The following N4BP2L1 variants were observed in gnomAD, a reference collection of about 807,000 sequenced individuals.
N4BP2L1 encodes the protein NEDD4-binding protein 2-like 1.
A neutral mutation model predicts 21.2 loss-of-function variants in N4BP2L1; 12 were observed. The observed-to-expected ratio is 0.57, with a 90% CI of 0.36 to 0.92. The LOEUF is 0.92. Among genes scored for constraint, N4BP2L1 ranks in the 40% least tolerant of loss-of-function variants. The probability of loss-of-function intolerance (pLI) is 0.01; values close to 1 mark genes in which losing one functional copy is unlikely to be tolerated. For synonymous variants in N4BP2L1, 104 were observed against 112.8 expected (o/e 0.92, Z 0.49); for missense variants, 259 against 310.6 (o/e 0.83, Z 1.25).
In N4BP2L1 at chr13:32,402,644, A is replaced by G; in HGVS notation, c.*298T>C. The G allele has an allele frequency of 9.0e-7, 1 of 1,115,948 alleles. No homozygotes were observed. Among genetic ancestry groups the G allele is most frequent in the Non-Finnish European group, 1.1e-6 (1 of 912,144 alleles). The allele number at this position is 1,115,948 out of a possible 1,614,324, so 69.1% of individuals were successfully genotyped here. A position where few individuals can be genotyped will look rare whatever the true frequency, so the allele number is the denominator to read the frequency against. ...ATATATAATATAAACACTTTATTTC[A>G]TCTATGAACCTATGTAAATATATTC... is the stretch of plus-strand genomic sequence containing the variant. On this transcript the variant is annotated 3_prime_UTR_variant, in exon 5 of 5. Transcript: ENST00000380130.
At chr13:32,428,235 G>C (rs2074912691), upstream of N4BP2L1, 2 of 701,096 alleles carry the variant, frequency 2.9e-6, no homozygotes, top group South Asian at 9.2e-5. Context: ...CCGGAACCGT[G>C]CTGCGTGGGA....
intron 1 of N4BP2L1, 49 bp from the exon 2 acceptor site, chr13:32,407,821 G>A (rs572070362): frequency 3.2e-5 from 49 of 1,515,284 alleles, no homozygotes; most frequent in Non-Finnish European, 4.2e-5. Context: ...TATATGTATA[G>A]TCTCAGTAGA....
At chr13:32,405,892 C>CCTTT (rs2073452557) in intron 3 of N4BP2L1, among the ~76,000 whole-genome samples, 1 of 101,192 alleles carries the variant, frequency 9.9e-6, no homozygotes, top group Non-Finnish European at 1.8e-5. Flanking sequence ...TTCCTGCCCC[C>CCTTT]TTTTTTTTTT....
intron 1 of N4BP2L1, among the ~76,000 whole-genome samples, chr13:32,427,452 C>T (rs1037727890): frequency 1.3e-5 from 2 of 152,234 alleles, no homozygotes; most frequent in Non-Finnish European, 2.9e-5. Context: ...GTTTTCTCTG[C>T]AGTCGCCACC....
intron 1 of N4BP2L1, among the ~76,000 whole-genome samples, chr13:32,415,264 AG>A (rs1356993867): frequency 1.3e-5 from 2 of 152,202 alleles, no homozygotes; most frequent in African/African-American, 4.8e-5. Flanking sequence ...CAAAGAGGCA[AG>A]GGGGCCCTGA....
intron 1 of N4BP2L1, among the ~76,000 whole-genome samples, chr13:32,427,524 C>G (rs1039630916): frequency 6.6e-6 from 1 of 152,198 alleles, no homozygotes; most frequent in Non-Finnish European, 1.5e-5. Flanking sequence ...GCGGTGAAGG[C>G]TGCTTCGGCC....
At chr13:32,411,556 G>T in intron 1 of N4BP2L1, 1 of 985,368 alleles carries the variant, frequency 1.0e-6, no homozygotes, top group African/African-American at 1.7e-5. Flanking sequence ...AGTGATGAGG[G>T]TTAAGCCCCA....
intron 1 of N4BP2L1, chr13:32,420,511 C>T (rs1424338056): frequency 6.6e-6 from 1 of 152,084 alleles, no homozygotes; most frequent in Non-Finnish European, 1.5e-5. Context: ...ATCTTTGATC[C>T]CAATTTTTAA....
At chr13:32,414,456 C>G (rs1034693638) in intron 1 of N4BP2L1, among the ~76,000 whole-genome samples, 2 of 152,082 alleles carry the variant, frequency 1.3e-5, no homozygotes, top group Non-Finnish European at 2.9e-5. Flanking sequence ...AATAAAGCCT[C>G]CTTATTAGGA....
At chr13:32,415,577 T>TAACA (rs1377200340) in intron 1 of N4BP2L1, among the ~76,000 whole-genome samples, 1 of 152,236 alleles carries the variant, frequency 6.6e-6, no homozygotes, top group Non-Finnish European at 1.5e-5. Context: ...TTTAAAATTC[T>TAACA]AACACTTACT....
At chr13:32,419,315 A>G in intron 1 of N4BP2L1, 1 of 378,614 alleles carries the variant, frequency 2.6e-6, no homozygotes, top group Non-Finnish European at 5.1e-6. Context: ...GCACAATCTA[A>G]GCTCACTGCA....
At chr13:32,429,276 G>T (rs2074932335), upstream of N4BP2L1, among the ~76,000 whole-genome samples, 1 of 152,212 alleles carries the variant, frequency 6.6e-6, no homozygotes, top group Non-Finnish European at 1.5e-5. Flanking sequence ...TCCCTCTAGG[G>T]ATGGGATAGG....
chr13:32,401,903 T>C lies in N4BP2L1; in HGVS notation c.*1039A>G, dbSNP rs1008090266. The C allele has an allele frequency of 2.3e-5, 23 of 983,568 alleles. No homozygotes were observed. The highest frequency in any genetic ancestry group is 2.7e-5 in the Non-Finnish European group (22 of 827,962). 60.9% of individuals were successfully genotyped at this position (983,568 alleles called of 1,614,324 possible). A position where few individuals can be genotyped will look rare whatever the true frequency, so the allele number is the denominator to read the frequency against. On this transcript the variant is annotated 3_prime_UTR_variant, in exon 5 of 5. Transcript: ENST00000380130. Reference sequence around the variant, plus strand: ...TCTCACATTAAATCTGATTCCAACCTGTTGGAAATTAATTTGGATTCATAA... The same window carrying C: ...TCTCACATTAAATCTGATTCCAACCCGTTGGAAATTAATTTGGATTCATAA...
At chr13:32,413,462 C>A (rs1372907679) in intron 1 of N4BP2L1, among the ~76,000 whole-genome samples, 1 of 152,094 alleles carries the variant, frequency 6.6e-6, no homozygotes, top group African/African-American at 2.4e-5. Context: ...AAGCAAAGTA[C>A]AGAGGTGATG....
In N4BP2L1 at chr13:32,401,942, A is replaced by G. The variant is rs998483564; in HGVS notation, c.*1000T>C. ...TTGGATTCATAAATTCAGCATCAGT[A>G]TAAGAAGACATTCCAGAGTTGTGAG... is the stretch of plus-strand genomic sequence containing the variant. On this transcript the variant is annotated 3_prime_UTR_variant, in exon 5 of 5. Transcript: ENST00000380130. The G allele has an allele frequency of 3.0e-6, 3 of 985,414 alleles. No individual in the cohort carries two copies. Among genetic ancestry groups the G allele is most frequent in the Non-Finnish European group, 3.6e-6 (3 of 829,802 alleles). The allele number at this position is 985,414 out of a possible 1,614,324, so 61.0% of individuals were successfully genotyped here.
rs1327252789 is a variant in N4BP2L1, at chr13:32,428,017, C to T, written c.66G>A (p.Arg22=). The change falls in exon 1 of 5, where the codon CGG becomes CGA. Residue 22 remains arginine, a synonymous_variant. Coordinates refer to ENST00000380130, the MANE Select transcript of N4BP2L1 (RefSeq NM_052818.3). ...LSLQPQQQQQ[R]QRPPRPPPRG... is the part of the protein sequence containing the mutation. ...GCGGGGGCGGCCGGGGCGGCCGCTG[C>T]CGCTGCTGCTGCTGCTGGGGCTGGA... is the stretch of plus-strand genomic sequence containing the variant. The T allele has an allele frequency of 2.6e-6, 4 of 1,560,552 alleles. No homozygotes were observed. The highest frequency in any genetic ancestry group is 2.5e-5 in the East Asian group (1 of 39,814).
intron 1 of N4BP2L1, among the ~76,000 whole-genome samples, chr13:32,426,634 G>A (rs923551735): frequency 2.4e-4 from 37 of 152,138 alleles, no homozygotes; most frequent in African/African-American, 8.7e-4. Flanking sequence ...AAATCCGCAC[G>A]TGACTGTCCA....
intron 1 of N4BP2L1, chr13:32,411,927 C>T (rs1009047579): frequency 2.0e-5 from 4 of 203,264 alleles, no homozygotes; most frequent in Non-Finnish European, 3.5e-5. Flanking sequence ...ATAATATACT[C>T]GATCCTCATA....
chr13:32,427,572 G>A (rs1274526186), intron 1 of N4BP2L1, among the ~76,000 whole-genome samples: 1 of 152,208 alleles, frequency 6.6e-6, no homozygotes, highest in Non-Finnish European at 1.5e-5. Flanking sequence ...CGGGGAAGGG[G>A]CCGGGGCCGC....
Sources: gnomAD v4.1 joint callset for allele counts (sites outside exome capture counted in the v4.1 genomes callset) on GRCh38, gnomAD v4.1.1 for gene constraint, MANE v1.5 for transcripts, NCBI Gene and HGNC (gene_info 2026-07-23, HGNC 2026-07-21) for gene names.